Variants in TASP1 observed in about 807,000 individuals in gnomAD.
TASP1 encodes the protein threonine aspartase 1.
A neutral mutation model predicts 56.6 loss-of-function variants in TASP1; 16 were observed. The observed-to-expected ratio is 0.28, with a 90% CI of 0.19 to 0.43. The LOEUF (loss-of-function observed/expected upper bound fraction) is 0.43. Among genes scored for constraint, TASP1 ranks in the 20% least tolerant of loss-of-function variants. TASP1 has a pLI of 1.00. For missense variants in TASP1, 393 were observed against 511.6 expected, an observed-to-expected ratio of 0.77 and a Z score of 2.24; for synonymous variants, 179 against 184.2, an observed-to-expected ratio of 0.97 and a Z score of 0.23.
At chr20:13,466,337 T>C (rs745406558) in intron 11 of TASP1, among the ~76,000 whole-genome samples, 2 of 152,184 alleles carry the variant, frequency 1.3e-5, no homozygotes, top group Non-Finnish European at 2.9e-5. Flanking sequence ...TATCACAAAA[T>C]AAGACTTGCA....
At chr20:13,367,678 T>C in the TASP1 span, among the ~76,000 whole-genome samples, 2 of 152,216 alleles carry the variant, frequency 1.3e-5, no homozygotes, top group Non-Finnish European at 2.9e-5. Flanking sequence ...GCAATGAGTA[T>C]TATTTATTTG....
the TASP1 span, among the ~76,000 whole-genome samples, chr20:13,144,902 G>A: frequency 1.7e-4 from 26 of 152,104 alleles, no homozygotes; most frequent in Non-Finnish European, 2.5e-4. Flanking sequence ...AGCCTCCCAA[G>A]TAGCTGGGAC....
chr20:13,446,023 T>A (rs2043397531), intron 11 of TASP1, among the ~76,000 whole-genome samples: 1 of 152,164 alleles, frequency 6.6e-6, no homozygotes, highest in South Asian at 2.1e-4. Context: ...TGGTCTCAAG[T>A]CATCTATGAT....
At chr20:13,214,519 G>GCACACA in the TASP1 span, among the ~76,000 whole-genome samples, 216 of 115,774 alleles carry the variant, frequency 1.9e-3, no homozygotes, top group Middle Eastern at 4.4e-3. Flanking sequence ...ACAGAGACAG[G>GCACACA]CACACACACA....
At chr20:13,150,242 CT>C in the TASP1 span, among the ~76,000 whole-genome samples, 1 of 152,246 alleles carries the variant, frequency 6.6e-6, no homozygotes, top group African/African-American at 2.4e-5. Context: ...AAATATTCTC[CT>C]TCTTAATTTC....
chr20:13,425,401 T>C (rs1336598878), intron 12 of TASP1, among the ~76,000 whole-genome samples: 1 of 152,194 alleles, frequency 6.6e-6, no homozygotes, highest in African/African-American at 2.4e-5. Flanking sequence ...AAATGGATTC[T>C]TTTTTCTGAC....
At chr20:13,363,092 CA>C in the TASP1 span, among the ~76,000 whole-genome samples, 1 of 152,006 alleles carries the variant, frequency 6.6e-6, no homozygotes, top group African/African-American at 2.4e-5. Flanking sequence ...GAGTAGCTGG[CA>C]CAGAGCTCCC....
intron 12 of TASP1, among the ~76,000 whole-genome samples, chr20:13,424,982 G>C (rs957839147): frequency 2.0e-5 from 3 of 152,160 alleles, no homozygotes; most frequent in African/African-American, 7.2e-5. Flanking sequence ...TCCAACATTG[G>C]AGAATGGCTT....
chr20:13,599,483 C>T (rs1474813004), intron 4 of TASP1, among the ~76,000 whole-genome samples: 1 of 152,058 alleles, frequency 6.6e-6, no homozygotes, highest in Non-Finnish European at 1.5e-5. Flanking sequence ...ATAATGAAAA[C>T]ACTTGGACAC....
intron 9 of TASP1, among the ~76,000 whole-genome samples, chr20:13,529,056 C>CACAAGAGGA (rs2045107471): frequency 6.6e-6 from 1 of 152,114 alleles, no homozygotes; most frequent in Non-Finnish European, 1.5e-5. Flanking sequence ...TTTTCCATGT[C>CACAAGAGGA]TGTGTTGACG....
the TASP1 span, among the ~76,000 whole-genome samples, chr20:13,216,537 C>G: frequency 6.6e-6 from 1 of 152,064 alleles, no homozygotes; most frequent in African/African-American, 2.4e-5. Flanking sequence ...GATTAATTGC[C>G]AAAGGGACCT....
the TASP1 span, among the ~76,000 whole-genome samples, chr20:13,313,735 T>C: frequency 2.0e-5 from 3 of 152,164 alleles, no homozygotes; most frequent in Admixed American, 2.0e-4. Flanking sequence ...GAAAAAATTA[T>C]AAGACATAGT....
the TASP1 span, among the ~76,000 whole-genome samples, chr20:13,360,359 T>C: frequency 1.3e-5 from 2 of 151,220 alleles, no homozygotes; most frequent in Admixed American, 1.3e-4. Context: ...CCCAAATTTC[T>C]TCCTCATCTG....
At chr20:13,143,844 C>G in the TASP1 span, among the ~76,000 whole-genome samples, 1 of 152,230 alleles carries the variant, frequency 6.6e-6, no homozygotes, top group African/African-American at 2.4e-5. Context: ...CCTTTGTCTT[C>G]TTGCCACAAA....
At chr20:13,135,046 A>G in the TASP1 span, among the ~76,000 whole-genome samples, 1 of 152,222 alleles carries the variant, frequency 6.6e-6, no homozygotes, top group Non-Finnish European at 1.5e-5. Context: ...AAGTATGTAA[A>G]GTCATTAAGA....
the TASP1 span, among the ~76,000 whole-genome samples, chr20:13,247,009 G>T: frequency 6.6e-6 from 1 of 152,138 alleles, no homozygotes; most frequent in South Asian, 2.1e-4. Context: ...GCTGAGGCGG[G>T]TGGATCACCT....
chr20:13,632,925 C>T (rs2049151626), intron 1 of TASP1, among the ~76,000 whole-genome samples: 3 of 152,142 alleles, frequency 2.0e-5, no homozygotes, highest in Non-Finnish European at 2.9e-5. Flanking sequence ...AAATCTCACT[C>T]GAAAGATGCA....
chr20:13,463,286 A>C (rs1316842971), intron 11 of TASP1, among the ~76,000 whole-genome samples: 2 of 152,150 alleles, frequency 1.3e-5, no homozygotes, highest in African/African-American at 4.8e-5. Flanking sequence ...TTTTTCGATA[A>C]TGATGCTAGG....
At chr20:13,264,777 G>A in the TASP1 span, among the ~76,000 whole-genome samples, 1 of 152,314 alleles carries the variant, frequency 6.6e-6, no homozygotes, top group South Asian at 2.1e-4. Flanking sequence ...AAAACGTGTG[G>A]ATTTGTCATC....
Sources: allele counts gnomAD v4.1 joint callset (sites outside exome capture counted in the v4.1 genomes callset), GRCh38; gene constraint gnomAD v4.1.1; transcripts MANE v1.5; gene names NCBI Gene and HGNC (gene_info 2026-07-23, HGNC 2026-07-21).